The following C11orf21 variants were observed in gnomAD, a reference collection of about 807,000 sequenced individuals.
C11orf21 encodes chromosome 11 open reading frame 21.
A neutral mutation model predicts 15.2 loss-of-function variants in C11orf21; 19 were observed. The ratio of observed to expected loss-of-function variants is 1.25; its 90% CI spans 0.87 to 1.84. C11orf21 has a LOEUF of 1.84. C11orf21 is among the 40% of genes most tolerant of loss of function. The pLI is 0.00. For missense variants in C11orf21, 171 were observed against 174.4 expected (o/e 0.98, Z 0.11); for synonymous variants, 62 against 66.8 (o/e 0.93, Z 0.35).
At position 2,298,227 on chromosome 11, in the gene C11orf21, C is replaced by T. The variant is rs1356756520; in HGVS notation, c.*29-306G>A. On this transcript the variant is annotated intron_variant, in intron 3 of 3. Transcript: ENST00000381153. ...CTTGTGCCCCTCCCAAGGGTCCCTG[C>T]ACCTGTCCCAGAGAGAGGGCAGCCT... is the stretch of plus-strand genomic sequence containing the variant. Among the ~76,000 whole-genome samples the T allele has an allele frequency of 1.2e-4, 19 of 152,228 alleles. 1 individual carries two copies. Among genetic ancestry groups the T allele is most frequent in the Admixed American group, 1.2e-3 (19 of 15,290 alleles).
chr11:2,300,439 G>A (rs1053354245), intron 2 of C11orf21, 81 bp downstream of exon 2: 3 of 865,918 alleles, frequency 3.5e-6, no homozygotes, highest in African/African-American at 3.4e-5. Context: ...GTGGGAGGGT[G>A]TGGCTCAGCA....
Position 2,301,801 on chromosome 11 carries a change from C to G in C11orf21, c.8G>C (p.Arg3Thr). 5 of 1,550,756 alleles carry G rather than the reference C, an allele frequency of 3.2e-6. No individual in the cohort carries two copies. Among genetic ancestry groups the G allele is most frequent in the Non-Finnish European group, 4.4e-6 (5 of 1,146,918 alleles). The change falls in exon 1 of 4, where the codon AGG (arginine) becomes ACG (threonine). Residue 3 changes from arginine (R) to threonine (T), a missense_variant. Arg to Thr is a moderately conservative substitution (Grantham distance 71, BLOSUM62 -1). Coordinates refer to ENST00000381153, the MANE Select transcript of C11orf21 (RefSeq NM_001329958.2). MG[R>T]TWCGMWRRRR... is the part of the protein sequence containing the mutation. ...TCTCCTCCACATCCCACACCAGGTC[C>G]TGCCCATGACTTTCCCCCTCTCAGC... is the stretch of plus-strand genomic sequence containing the variant.
In C11orf21 at chr11:2,301,880, T is replaced by C; in HGVS notation, c.-72A>G. 1 of 1,548,106 alleles carries C rather than the reference T, an allele frequency of 6.5e-7. No individual in the cohort carries two copies. Among genetic ancestry groups the C allele is most frequent in the Non-Finnish European group, 8.7e-7 (1 of 1,146,474 alleles). ...AGGCCATGTCTTCCTGGGAAGGGCC[T>C]CAGATGTCAGCAAATGCCCTGGTGT... On this transcript the variant is annotated 5_prime_UTR_variant, in exon 1 of 4. Coordinates refer to ENST00000381153, the MANE Select transcript of C11orf21 (RefSeq NM_001329958.2).
chr11:2,302,136 G>A, upstream of C11orf21: 1 of 1,474,214 alleles, frequency 6.8e-7, no homozygotes, highest in Non-Finnish European at 9.0e-7. Flanking sequence ...GGAGAGGAGA[G>A]GAGAGGAACC....
chr11:2,301,449 C>A (rs565528203), intron 1 of C11orf21: 3 of 302,276 alleles, frequency 9.9e-6, no homozygotes, highest in East Asian at 6.2e-5. Context: ...TTACACGGCT[C>A]GGTGTAATTG....
At chr11:2,302,814 C>T, upstream of C11orf21, 1 of 1,590,778 alleles carries the variant, frequency 6.3e-7, no homozygotes, top group African/African-American at 1.3e-5. Flanking sequence ...CAGTCCCATG[C>T]CCCACACTCT....
chr11:2,301,215 GC>G, intron 1 of C11orf21: 1 of 238,100 alleles, frequency 4.2e-6, no homozygotes, highest in Non-Finnish European at 8.4e-6. Flanking sequence ...AGGTCTTGGG[GC>G]CCCCTCCCCC....
intron 3 of C11orf21, among the ~76,000 whole-genome samples, 198 bp downstream of exon 3, chr11:2,299,230 G>A (rs960490705): frequency 3.9e-5 from 6 of 152,186 alleles, no homozygotes; most frequent in Admixed American, 2.0e-4. Context: ...CCTGGGACGT[G>A]GATTTCAGAA....
chr11:2,299,365 G>A, intron 3 of C11orf21, 63 bp downstream of exon 3: 1 of 1,477,830 alleles, frequency 6.8e-7, no homozygotes, highest in South Asian at 1.3e-5. Context: ...CCCGGTGGGA[G>A]GGGCCGCGCT....
upstream of C11orf21, chr11:2,302,859 G>T: frequency 6.2e-7 from 1 of 1,613,562 alleles, no homozygotes. Context: ...GGGCCTCTCT[G>T]TGGCCACCAT....
upstream of C11orf21, chr11:2,302,708 C>A (rs865981364): frequency 5.0e-5 from 35 of 706,678 alleles, 1 homozygote; most frequent in South Asian, 6.0e-4. Context: ...ACGGAAACAC[C>A]GGGAATCCCT....
upstream of C11orf21, chr11:2,303,060 C>A: frequency 2.7e-6 from 3 of 1,114,248 alleles, no homozygotes; most frequent in Non-Finnish European, 3.9e-6. Context: ...GGTGCCAGGC[C>A]CTAGGCAGGA....
rs1847693570 is a variant in C11orf21, at chr11:2,300,622, A to G, written c.54-9T>C. On this transcript the variant is annotated splice_polypyrimidine_tract_variant and intron_variant, in intron 1 of 3. Transcript: ENST00000381153. Reference sequence around the variant, plus strand: ...GCCACCTGGGCACAGCGCTGGTGTGAGAAGGAGGCCATCAGGACAGGTCAA... The same window carrying G: ...GCCACCTGGGCACAGCGCTGGTGTGGGAAGGAGGCCATCAGGACAGGTCAA... The G allele has an allele frequency of 8.4e-6, 13 of 1,550,454 alleles. No homozygotes were observed. Among genetic ancestry groups the G allele is most frequent in the Non-Finnish European group, 1.1e-5 (13 of 1,146,830 alleles).
At chr11:2,298,622 C>G (rs374214384) in intron 3 of C11orf21, among the ~76,000 whole-genome samples, 1 of 152,154 alleles carries the variant, frequency 6.6e-6, no homozygotes, top group South Asian at 2.1e-4. Context: ...CTGCCTCTGC[C>G]CCACTCCTCC....
intron 1 of C11orf21, chr11:2,301,518 C>T (rs941652993): frequency 2.9e-5 from 13 of 455,206 alleles, no homozygotes; most frequent in African/African-American, 2.6e-4. Context: ...GAGCGAGGCC[C>T]CAGCCCACCC....
chr11:2,302,080 G>A (rs1455206053), upstream of C11orf21: 8 of 1,490,824 alleles, frequency 5.4e-6, no homozygotes, highest in Non-Finnish European at 7.1e-6. Flanking sequence ...GCTGCGGTCT[G>A]AGGCCCCTGC....
At chr11:2,300,374 C>G in intron 2 of C11orf21, 146 bp downstream of exon 2, 5 of 623,102 alleles carry the variant, frequency 8.0e-6, no homozygotes, top group Non-Finnish European at 1.1e-5. Flanking sequence ...GGGCAGCAGC[C>G]TGCACAGTGG....
At chr11:2,303,045 A>G, upstream of C11orf21, 1 of 1,257,268 alleles carries the variant, frequency 8.0e-7, no homozygotes, top group East Asian at 2.4e-5. Context: ...CCTCACAGCC[A>G]GAATGGTGCC....
Position 2,295,709 on chromosome 11 carries a change from TACA to T in C11orf21, c.*2238_*2240del, listed in dbSNP as rs1404755583. On this transcript the variant is annotated 3_prime_UTR_variant, in exon 4 of 4. Coordinates refer to ENST00000381153, the MANE Select transcript of C11orf21 (RefSeq NM_001329958.2). This position sits in a 1 kb window ranked among gnomAD's most constrained non-coding sequence, Gnocchi z 5.4. ...CACATTTGCCCGAACTCACAGCATG[TACA>T]ACAAGAAGAGTGAACCCTCATGTAA... 5.9e-5 allele frequency: 9 copies of T among 152,194 alleles called. No individual in the cohort carries two copies. The highest frequency in any genetic ancestry group is 1.0e-4 in the Non-Finnish European group (7 of 68,044). 9.4% of individuals were successfully genotyped at this position (152,194 alleles called of 1,614,324 possible). A position where few individuals can be genotyped will look rare whatever the true frequency, so the allele number is the denominator to read the frequency against.
Sources: gnomAD v4.1 joint callset for allele counts (sites outside exome capture counted in the v4.1 genomes callset) on GRCh38, gnomAD v4.1.1 for gene constraint, Gnocchi (gnomAD v3.1) non-coding constraint, MANE v1.5 for transcripts, NCBI Gene and HGNC (gene_info 2026-07-23, HGNC 2026-07-21) for gene names.